ROR1: variants seen among roughly 807,000 people sequenced by gnomAD.
ROR1 encodes the protein inactive tyrosine-protein kinase transmembrane receptor ROR1.
Under a neutral mutation model 78.8 loss-of-function variants are expected in ROR1, and 19 were observed. The ratio of observed to expected loss-of-function variants is 0.24; its 90% confidence interval spans 0.17 to 0.35. The LOEUF (loss-of-function observed/expected upper bound fraction) is 0.35, where lower values mean the gene tolerates loss of function less well. ROR1 is among the 10% of genes least tolerant of loss of function. ROR1 has a pLI of 1.00. For synonymous variants in ROR1, 386 were observed against 433.6 expected (o/e 0.89, Z 1.36); for missense variants, 917 against 1,177.8 (o/e 0.78, Z 3.24).
intron 1 of ROR1, among the ~76,000 whole-genome samples, chr1:63,796,908 C>T (rs1254890559): frequency 6.6e-6 from 1 of 152,132 alleles, no homozygotes; most frequent in African/African-American, 2.4e-5. Context: ...GAGAATCCAA[C>T]ATCATCGGTG....
At chr1:64,119,782 C>T (rs1471533583) in intron 4 of ROR1, among the ~76,000 whole-genome samples, 3 of 151,942 alleles carry the variant, frequency 2.0e-5, no homozygotes, top group Admixed American at 6.6e-5. Flanking sequence ...AATATCCTGA[C>T]TTTGGAAATG....
intron 1 of ROR1, among the ~76,000 whole-genome samples, chr1:63,841,746 A>G (rs1043341606): frequency 6.6e-6 from 1 of 152,232 alleles, no homozygotes; most frequent in African/African-American, 2.4e-5. Flanking sequence ...GAGCATATAC[A>G]TTGTGCAAAG....
intron 1 of ROR1, among the ~76,000 whole-genome samples, chr1:63,839,345 CATCTATCTATCTATCT>C (rs36224861): frequency 0.041 from 6,011 of 147,152 alleles, 153 homozygotes; most frequent in African/African-American, 0.058. Flanking sequence ...GTCTCCATAT[CATCTATCTATCTATCT>C]ATCTATCTAT....
At chr1:63,965,155 G>A (rs921970190) in intron 1 of ROR1, among the ~76,000 whole-genome samples, 1 of 152,134 alleles carries the variant, frequency 6.6e-6, no homozygotes, top group African/African-American at 2.4e-5. Flanking sequence ...TGAAAAAACT[G>A]AGATTCAGAG....
chr1:63,930,029 A>G (rs965183490), intron 1 of ROR1, among the ~76,000 whole-genome samples: 3 of 152,082 alleles, frequency 2.0e-5, no homozygotes, highest in South Asian at 2.1e-4. Flanking sequence ...GGTTTGTTAC[A>G]TAAGTATACA....
At chr1:63,845,979 C>A (rs11208301) in intron 1 of ROR1, among the ~76,000 whole-genome samples, 12,722 of 152,144 alleles carry the variant, frequency 0.084, 1,152 homozygotes, top group African/African-American at 0.23. Flanking sequence ...TAGCTTCTGA[C>A]TCCTTCTGGA....
chr1:63,915,734 T>G (rs1240091768), intron 1 of ROR1, among the ~76,000 whole-genome samples: 2 of 152,070 alleles, frequency 1.3e-5, no homozygotes, highest in South Asian at 2.1e-4. Flanking sequence ...GAAGCATTTT[T>G]GATTTTGCCA....
At chr1:63,853,240 T>A (rs1645125336) in intron 1 of ROR1, among the ~76,000 whole-genome samples, 1 of 152,204 alleles carries the variant, frequency 6.6e-6, no homozygotes, top group African/African-American at 2.4e-5. Flanking sequence ...CCTGGTGATG[T>A]ACTTTATATC....
intron 2 of ROR1, among the ~76,000 whole-genome samples, chr1:64,009,990 C>T (rs1646463194): frequency 6.6e-6 from 1 of 152,196 alleles, no homozygotes; most frequent in Admixed American, 6.5e-5. Context: ...GCTCAATCTA[C>T]CTTTCTAGCC....
At chr1:64,058,012 G>C (rs55710818) in intron 4 of ROR1, among the ~76,000 whole-genome samples, 4,435 of 152,190 alleles carry the variant, frequency 0.029, 230 homozygotes, top group African/African-American at 0.1. Flanking sequence ...TTCTCTAAAT[G>C]ATGTTTTGTA....
At chr1:64,175,025 T>A (rs1423508862) in intron 8 of ROR1, among the ~76,000 whole-genome samples, 2 of 150,078 alleles carry the variant, frequency 1.3e-5, no homozygotes, top group African/African-American at 4.9e-5. Context: ...TTTAAAAAAA[T>A]AGTTATTTAA....
rs186448365 is a variant in ROR1, at chr1:64,071,698, G to T, written c.482+20982G>T. ...CCATCATCAGGAATGAGTGGCAACTGCGGGGAGAAGGATGTGGATGTGTCT... is the reference window on the plus strand; with the variant it reads ...CCATCATCAGGAATGAGTGGCAACTTCGGGGAGAAGGATGTGGATGTGTCT... On this transcript the variant is annotated intron_variant, in intron 4 of 8. Transcript: ENST00000371079. Among the ~76,000 whole-genome samples the T allele has an allele frequency of 6.2e-4, 94 of 152,278 alleles. 2 individuals are homozygous for T. The East Asian group carries it at 0.016, about 26-fold the overall frequency.
At chr1:64,008,513 T>C (rs1489292249) in intron 1 of ROR1, among the ~76,000 whole-genome samples, 1 of 152,212 alleles carries the variant, frequency 6.6e-6, no homozygotes, top group Admixed American at 6.5e-5. Flanking sequence ...GGTAGGTCTA[T>C]TTTTAGCTCT....
chr1:63,972,444 C>T (rs1646126704), intron 1 of ROR1, among the ~76,000 whole-genome samples: 1 of 152,178 alleles, frequency 6.6e-6, no homozygotes. Flanking sequence ...TTGTATCTCC[C>T]TGCAGTGCCT....
intron 4 of ROR1, among the ~76,000 whole-genome samples, chr1:64,066,225 A>C (rs1646954706): frequency 6.6e-6 from 1 of 152,154 alleles, no homozygotes; most frequent in African/African-American, 2.4e-5. Flanking sequence ...AAAATATAAC[A>C]TGATGAGTGC....
intron 1 of ROR1, among the ~76,000 whole-genome samples, chr1:63,845,605 G>T (rs1169924263): frequency 6.6e-6 from 1 of 152,032 alleles, no homozygotes; most frequent in East Asian, 1.9e-4. Context: ...ATTTCTTTTA[G>T]GTTCCTGTTT....
chr1:64,018,904 A>G (rs976107743), intron 2 of ROR1, among the ~76,000 whole-genome samples: 5 of 152,304 alleles, frequency 3.3e-5, no homozygotes, highest in African/African-American at 1.2e-4. Context: ...GAATCAGGCT[A>G]GACCCTATTC....
chr1:63,778,078 A>G (rs549529100), intron 1 of ROR1, among the ~76,000 whole-genome samples: 7 of 152,316 alleles, frequency 4.6e-5, no homozygotes, highest in Admixed American at 3.3e-4. Flanking sequence ...TTGGCATTTA[A>G]CAGACCTGGA....
chr1:63,906,814 C>T (rs900497221), intron 1 of ROR1, among the ~76,000 whole-genome samples: 5 of 152,184 alleles, frequency 3.3e-5, no homozygotes, highest in Non-Finnish European at 5.9e-5. Context: ...GGCATATGTA[C>T]AAATCCAAAG....
Sources: gnomAD v4.1 joint callset for allele counts (sites outside exome capture counted in the v4.1 genomes callset) on GRCh38, gnomAD v4.1.1 for gene constraint, MANE v1.5 for transcripts, NCBI Gene and HGNC (gene_info 2026-07-23, HGNC 2026-07-21) for gene names.